The following NRXN1 variants were observed in gnomAD, a reference collection of about 807,000 sequenced individuals.
NRXN1 encodes the protein neurexin 1, also known as neurexin-1.
Under a neutral mutation model 150.9 loss-of-function variants are expected in NRXN1, and 39 were observed. The ratio of observed to expected loss-of-function variants is 0.26; its 90% CI spans 0.20 to 0.34. The LOEUF is 0.34. Among genes scored for constraint, NRXN1 ranks in the 10% least tolerant of loss-of-function variants. The pLI is 1.00. For missense variants in NRXN1, 1,815 were observed against 1,949.9 expected (o/e 0.93, Z 1.30); for synonymous variants, 924 against 757.0 (o/e 1.22, Z -3.62).
chr2:50,777,513 C>T (rs1290969563), intron 5 of NRXN1, among the ~76,000 whole-genome samples: 2 of 152,098 alleles, frequency 1.3e-5, no homozygotes, highest in Non-Finnish European at 2.9e-5. Context: ...TGTTGGCTAA[C>T]GCTGGCTACT....
At chr2:50,699,251 T>C (rs892167222) in intron 5 of NRXN1, among the ~76,000 whole-genome samples, 2 of 152,198 alleles carry the variant, frequency 1.3e-5, no homozygotes, top group African/African-American at 2.4e-5. Flanking sequence ...TATTCACACC[T>C]TATAACTTTT....
At chr2:50,867,185 T>C (rs996452431) in intron 5 of NRXN1, among the ~76,000 whole-genome samples, 4 of 151,888 alleles carry the variant, frequency 2.6e-5, no homozygotes, top group Non-Finnish European at 5.9e-5. Flanking sequence ...ACAGAATATA[T>C]TCTTCTTTAA....
chr2:50,829,788 T>C, intron 5 of NRXN1: 4 of 1,516,056 alleles, frequency 2.6e-6, no homozygotes, highest in Admixed American at 2.1e-5. Context: ...AATGTTTTTA[T>C]TTATGAAGTA....
At chr2:50,569,324 A>T (rs1200678424) in intron 8 of NRXN1, among the ~76,000 whole-genome samples, 1 of 152,156 alleles carries the variant, frequency 6.6e-6, no homozygotes, top group Non-Finnish European at 1.5e-5. Context: ...GAAAGGATAA[A>T]TGCTTGAGGT....
At chr2:49,926,044 T>C (rs1487940784) in intron 22 of NRXN1, among the ~76,000 whole-genome samples, 1 of 152,228 alleles carries the variant, frequency 6.6e-6, no homozygotes, top group African/African-American at 2.4e-5. Context: ...GACAGTGGTC[T>C]ACTACAAGCA....
intron 19 of NRXN1, among the ~76,000 whole-genome samples, chr2:50,084,684 C>T (rs570141719): frequency 2.0e-5 from 3 of 152,312 alleles, no homozygotes; most frequent in South Asian, 4.1e-4. Flanking sequence ...AAGGGCTCCT[C>T]AAGCGTGGCT....
intron 5 of NRXN1, among the ~76,000 whole-genome samples, chr2:50,765,464 C>T (rs749865932): frequency 2.6e-5 from 4 of 152,030 alleles, no homozygotes; most frequent in South Asian, 4.1e-4. Flanking sequence ...TCCTTGTCAT[C>T]CCTCTTTCTG....
chr2:51,006,660 C>G (rs1241028515), intron 2 of NRXN1, among the ~76,000 whole-genome samples: 1 of 151,826 alleles, frequency 6.6e-6, no homozygotes, highest in Admixed American at 6.6e-5. Flanking sequence ...GCTCCTTGCC[C>G]CTTAATATAG....
At chr2:50,457,976 T>G (rs1345877558) in intron 17 of NRXN1, among the ~76,000 whole-genome samples, 1 of 152,178 alleles carries the variant, frequency 6.6e-6, no homozygotes, top group South Asian at 2.1e-4. Context: ...GCAATCTCAC[T>G]GCTGAGTATA....
At chr2:50,529,768 C>T (rs559162907) in intron 11 of NRXN1, among the ~76,000 whole-genome samples, 1 of 152,060 alleles carries the variant, frequency 6.6e-6, no homozygotes, top group African/African-American at 2.4e-5. Flanking sequence ...TGCAATTAGG[C>T]GATTTGTTTT....
At chr2:50,192,611 G>C (rs934783594) in intron 18 of NRXN1, among the ~76,000 whole-genome samples, 1 of 150,256 alleles carries the variant, frequency 6.7e-6, no homozygotes, top group South Asian at 2.1e-4. Flanking sequence ...ACTTTTTTTT[G>C]GGGGGGGCGG....
intron 2 of NRXN1, among the ~76,000 whole-genome samples, chr2:51,021,662 C>A (rs114080008): frequency 0.022 from 3,377 of 152,000 alleles, 54 homozygotes; most frequent in Non-Finnish European, 0.03. Flanking sequence ...ATCTTATCTG[C>A]AGCATATGTG....
chr2:50,903,950 G>A (rs1683303202), intron 5 of NRXN1, among the ~76,000 whole-genome samples: 1 of 152,126 alleles, frequency 6.6e-6, no homozygotes, highest in South Asian at 2.1e-4. Context: ...TTTAAAATAA[G>A]AGACCCTTCC....
At position 49,979,897 on chromosome 2, in the gene NRXN1, G is replaced by GGTTT. The variant is rs1553447346; in HGVS notation, c.4129-36107_4129-36106insAAAC. Among the ~76,000 whole-genome samples, 128 of 103,676 alleles carry GGTTT rather than the reference G, an allele frequency of 1.2e-3. 1 individual carries two copies. The highest frequency in any genetic ancestry group is 4.3e-3 in the African/African-American group (123 of 28,626). The allele number at this position is 103,676 out of a possible 152,430, so 68.0% of individuals were successfully genotyped here. A position where few individuals can be genotyped will look rare whatever the true frequency, so the allele number is the denominator to read the frequency against. On this transcript the variant is annotated intron_variant, in intron 21 of 22. Coordinates refer to ENST00000401669, the MANE Select transcript of NRXN1 (RefSeq NM_001330078.2). ...GTAAAATTCCACATAGTCTTATATTGTTTTTTTGGTTTTTTTTTTCTGCTA... is the reference window on the plus strand; with the variant it reads ...GTAAAATTCCACATAGTCTTATATTGGTTTTTTTTTTGGTTTTTTTTTTCTGCTA...
chr2:51,017,550 T>G (rs1668911786), intron 2 of NRXN1, among the ~76,000 whole-genome samples: 2 of 135,902 alleles, frequency 1.5e-5, no homozygotes, highest in South Asian at 2.5e-4. Context: ...AGAAATGAGG[T>G]CTCGCTTTTT....
chr2:50,806,683 TTG>T (rs755466151), intron 5 of NRXN1, among the ~76,000 whole-genome samples: 1 of 152,110 alleles, frequency 6.6e-6, no homozygotes, highest in African/African-American at 2.4e-5. Flanking sequence ...TCATGATAGG[TTG>T]TGTTTTTCTC....
chr2:50,208,588 T>G lies in NRXN1; in HGVS notation c.3546+28201A>C, dbSNP rs375588360. 3.3e-5 allele frequency among the ~76,000 whole-genome samples: 5 copies of G among 152,144 alleles called. No individual in the cohort carries two copies. The South Asian group carries it at 1.0e-3, about 32-fold the overall frequency. ...TTTTGATTTAGAGAGGAGGTGGTGG[T>G]GGAGGGTCTTGGCTCCTGTCCATGA... On this transcript the variant is annotated intron_variant, in intron 18 of 22. Transcript: ENST00000401669.
At chr2:50,667,560 G>A (rs1415251387) in intron 5 of NRXN1, among the ~76,000 whole-genome samples, 1 of 151,952 alleles carries the variant, frequency 6.6e-6, no homozygotes, top group African/African-American at 2.4e-5. Context: ...TAAATGGGAT[G>A]AGCAAAGGAA....
intron 17 of NRXN1, among the ~76,000 whole-genome samples, chr2:50,424,296 A>AGGAGGAGGAGGAGGAGGAGGG (rs2084290402): frequency 1.3e-5 from 1 of 74,290 alleles, no homozygotes; most frequent in East Asian, 9.6e-4. Context: ...AGGAAGAAGA[A>AGGAGGAGGAGGAGGAGGAGGG]GGAGGAGGAG....
Sources: gnomAD v4.1 joint callset for allele counts (sites outside exome capture counted in the v4.1 genomes callset) on GRCh38, gnomAD v4.1.1 for gene constraint, MANE v1.5 for transcripts, NCBI Gene and HGNC (gene_info 2026-07-23, HGNC 2026-07-21) for gene names.